CCNJL: variants seen among roughly 807,000 people sequenced by gnomAD.
The protein encoded by CCNJL is cyclin-J-like protein.
CCNJL carries 33 observed loss-of-function variants against 33.4 expected under a neutral mutation model. The ratio of observed to expected loss-of-function variants is 0.99; its 90% CI spans 0.75 to 1.32. The LOEUF (loss-of-function observed/expected upper bound fraction) is 1.32, where lower values mean the gene tolerates loss of function less well. Among genes scored for constraint, CCNJL ranks in the 40% most tolerant of loss-of-function variants. The pLI is 0.00. For synonymous variants in CCNJL, 227 were observed against 220.9 expected, an observed-to-expected ratio of 1.03 and a Z score of -0.24; for missense variants, 512 against 499.7, an observed-to-expected ratio of 1.02 and a Z score of -0.23.
chr5:160,303,584 A>T (rs990715610), intron 2 of CCNJL, among the ~76,000 whole-genome samples: 6 of 152,064 alleles, frequency 3.9e-5, no homozygotes, highest in African/African-American at 7.2e-5. Flanking sequence ...TAAAGGACAC[A>T]CACCAAAAAT....
chr5:160,280,702 G>A lies in CCNJL; in HGVS notation c.103C>T (p.Leu35Phe). 1.2e-6 allele frequency: 2 copies of A among 1,611,808 alleles called. No individual in the cohort carries two copies. Among genetic ancestry groups the A allele is most frequent in the Non-Finnish European group, 1.7e-6 (2 of 1,179,110 alleles). ...KLPTFRAHSP[L>F]LKSRRFFVDI... ...ACGAAGAACCGGCGGCTCTTCAGGAGTGGGGAGTGGGCTCGGAAGGTGGGC... is the reference window on the plus strand; with the variant it reads ...ACGAAGAACCGGCGGCTCTTCAGGAATGGGGAGTGGGCTCGGAAGGTGGGC... Residue 35 changes from leucine (L) to phenylalanine (F), a missense_variant, in exon 3 of 6, where the codon CTC (leucine) becomes TTC (phenylalanine). Physicochemically the swap from Leu to Phe is conservative, Grantham distance 22. Coordinates refer to ENST00000257536, the MANE Select transcript of CCNJL (RefSeq NM_001308173.3).
chr5:160,280,699 G>A lies in CCNJL; in HGVS notation c.106C>T (p.Leu36=). 1.9e-6 allele frequency: 3 copies of A among 1,611,824 alleles called. No homozygotes were observed. In the South Asian group the frequency reaches 3.3e-5, roughly 18 times the overall value. ...LPTFRAHSPL[L]KSRRFFVDIL... The stretch of plus-strand genomic sequence containing the variant: ...TCCACGAAGAACCGGCGGCTCTTCA[G>A]GAGTGGGGAGTGGGCTCGGAAGGTG... Residue 36 remains leucine (L), a synonymous_variant, in exon 3 of 6, where the codon CTG becomes TTG. Transcript: ENST00000257536.
At chr5:160,311,788 A>G (rs1763267472) in intron 2 of CCNJL, 70 bp downstream of exon 2, 2 of 1,447,838 alleles carry the variant, frequency 1.4e-6, no homozygotes, top group African/African-American at 2.8e-5. Flanking sequence ...AGGCGACCTG[A>G]GAACACGAAG....
At chr5:160,261,757 A>G (rs1289600816) in intron 3 of CCNJL, among the ~76,000 whole-genome samples, 1 of 152,168 alleles carries the variant, frequency 6.6e-6, no homozygotes, top group Non-Finnish European at 1.5e-5. Context: ...AGACCTCCAG[A>G]TATTAAACGG....
chr5:160,323,439 A>G (rs1346636700), intron 1 of CCNJL, among the ~76,000 whole-genome samples: 1 of 152,188 alleles, frequency 6.6e-6, no homozygotes, highest in South Asian at 2.1e-4. Context: ...CGTATAGGCA[A>G]TTCATTTATT....
At chr5:160,299,063 G>A (rs1198149436) in intron 2 of CCNJL, among the ~76,000 whole-genome samples, 1 of 151,922 alleles carries the variant, frequency 6.6e-6, no homozygotes, top group Non-Finnish European at 1.5e-5. Context: ...ACTGCAGCCT[G>A]GACCTCCCGT....
At chr5:160,317,787 G>A (rs1316683642), upstream of CCNJL, among the ~76,000 whole-genome samples, 1 of 152,140 alleles carries the variant, frequency 6.6e-6, no homozygotes, top group African/African-American at 2.4e-5. Flanking sequence ...CCTCTCTCAC[G>A]ATTCTGGGTA....
At chr5:160,275,827 T>C (rs17057594) in intron 3 of CCNJL, among the ~76,000 whole-genome samples, 21,125 of 143,152 alleles carry the variant, frequency 0.15, 2,348 homozygotes, top group African/African-American at 0.31. Flanking sequence ...AAAGACTCAA[T>C]ACTGCAGTCA....
chr5:160,312,078 C>G, intron 1 of CCNJL, 106 bp from the exon 2 acceptor site: 2 of 700,550 alleles, frequency 2.9e-6, no homozygotes. Context: ...CGGGCGCCCC[C>G]TCCTGCGCCG....
rs975208917 is a variant in CCNJL, at chr5:160,266,621, G to A, written c.281-6850C>T. Among the ~76,000 whole-genome samples, 4 of 152,320 alleles carry A rather than the reference G, an allele frequency of 2.6e-5. No homozygotes were observed. The South Asian group carries it at 8.3e-4, about 32-fold the overall frequency. On this transcript the variant is annotated intron_variant, in intron 3 of 5. Transcript: ENST00000257536. ...TCATAGGGCAGTAGGGAGGGTGCAAGGAGTGTCCCAGGTAACATGACGGGC... is the reference window on the plus strand; with the variant it reads ...TCATAGGGCAGTAGGGAGGGTGCAAAGAGTGTCCCAGGTAACATGACGGGC...
chr5:160,289,548 T>TG (rs1244450171), intron 2 of CCNJL, among the ~76,000 whole-genome samples: 3 of 152,034 alleles, frequency 2.0e-5, no homozygotes, highest in Non-Finnish European at 2.9e-5. Flanking sequence ...GGAGCCATTC[T>TG]GGGGGAAGGA....
chr5:160,321,249 A>G (rs185130150), intron 1 of CCNJL, among the ~76,000 whole-genome samples: 1 of 152,026 alleles, frequency 6.6e-6, no homozygotes. Flanking sequence ...AGACTCCAGG[A>G]GGAGGAAATA....
At chr5:160,280,477 C>T (rs200208965) in intron 3 of CCNJL, 48 bp downstream of exon 3, 109 of 1,456,536 alleles carry the variant, frequency 7.5e-5, no homozygotes, top group Non-Finnish European at 8.7e-5. Flanking sequence ...GCGCACTGAG[C>T]GGGAGGAGAC....
intron 1 of CCNJL, among the ~76,000 whole-genome samples, chr5:160,318,403 T>C (rs1219435458): frequency 6.6e-6 from 1 of 152,242 alleles, no homozygotes; most frequent in Non-Finnish European, 1.5e-5. Flanking sequence ...ACATCTGCAA[T>C]GAACCTATTT....
At chr5:160,255,460 C>A in intron 5 of CCNJL, 89 bp downstream of exon 5, 1 of 1,258,994 alleles carries the variant, frequency 7.9e-7, no homozygotes, top group Non-Finnish European at 1.1e-6. Flanking sequence ...AAGTTCCAGA[C>A]TCTGGAAACT....
intron 1 of CCNJL, chr5:160,327,004 A>G (rs1763546755): frequency 2.0e-6 from 1 of 507,986 alleles, no homozygotes; most frequent in African/African-American, 1.9e-5. Flanking sequence ...AATTGTTGAG[A>G]TGGATACAGT....
chr5:160,328,196 G>A (rs1200269309), intron 1 of CCNJL, among the ~76,000 whole-genome samples: 1 of 152,222 alleles, frequency 6.6e-6, no homozygotes, highest in Admixed American at 6.5e-5. Context: ...TGTAACCCAG[G>A]TATACTGATT....
At chr5:160,284,399 G>C (rs1762340212) in intron 2 of CCNJL, among the ~76,000 whole-genome samples, 1 of 151,890 alleles carries the variant, frequency 6.6e-6, no homozygotes, top group Admixed American at 6.6e-5. Context: ...TATGTGAATT[G>C]TTATATCTCA....
intron 3 of CCNJL, among the ~76,000 whole-genome samples, chr5:160,277,219 C>A (rs995722722): frequency 2.0e-5 from 3 of 152,184 alleles, no homozygotes; most frequent in Admixed American, 2.0e-4. Flanking sequence ...GGTGACAGCA[C>A]GACCGCATAG....
Sources: allele counts gnomAD v4.1 joint callset (sites outside exome capture counted in the v4.1 genomes callset), GRCh38; gene constraint gnomAD v4.1.1; transcripts MANE v1.5; gene names NCBI Gene and HGNC (gene_info 2026-07-23, HGNC 2026-07-21).